Variants in ALDH1L1 observed in about 807,000 individuals in gnomAD.
The protein encoded by ALDH1L1 is aldehyde dehydrogenase 1 family member L1, also known as cytosolic 10-formyltetrahydrofolate dehydrogenase.
A neutral mutation model predicts 101.1 loss-of-function variants in ALDH1L1; 68 were observed. That is an observed-to-expected ratio of 0.67 (90% CI 0.55 to 0.82). The LOEUF (loss-of-function observed/expected upper bound fraction) is 0.82, where lower values mean the gene tolerates loss of function less well. ALDH1L1 is among the 40% of genes least tolerant of loss of function. The pLI, the probability that ALDH1L1 is intolerant of heterozygous loss-of-function variation, is 0.00. For missense variants in ALDH1L1, 1,087 were observed against 1,172.7 expected, an observed-to-expected ratio of 0.93 and a Z score of 1.07; for synonymous variants, 486 against 470.8, an observed-to-expected ratio of 1.03 and a Z score of -0.42.
At chr3:126,153,384 T>A in intron 7 of ALDH1L1, 60 bp downstream of exon 7, 1 of 1,606,086 alleles carries the variant, frequency 6.2e-7, no homozygotes, top group African/African-American at 1.3e-5. Flanking sequence ...GAGGCCTGAG[T>A]CCAAGGACAG....
intron 20 of ALDH1L1, 133 bp downstream of exon 20, chr3:126,109,811 C>T: frequency 7.6e-7 from 1 of 1,309,144 alleles, no homozygotes; most frequent in Non-Finnish European, 1.0e-6. Context: ...ATCCCAGGTC[C>T]CAGATGGGGC....
At chr3:126,135,056 ATTT>A (rs4646724) in intron 12 of ALDH1L1, 8,356 of 145,002 alleles carry the variant, frequency 0.058, 730 homozygotes, top group African/African-American at 0.2. Flanking sequence ...CCTGGCTTAA[ATTT>A]TTTTTTTTTT....
At chr3:126,149,256 TGCCA>T (rs2080760329) in intron 8 of ALDH1L1, among the ~76,000 whole-genome samples, 1 of 152,284 alleles carries the variant, frequency 6.6e-6, no homozygotes, top group South Asian at 2.1e-4. Context: ...TCCTCAAAGA[TGCCA>T]GCTACTGAAC....
intron 1 of ALDH1L1, 119 bp from the exon 2 acceptor site, chr3:126,161,121 C>T (rs1262432795): frequency 8.1e-7 from 1 of 1,227,028 alleles, no homozygotes; most frequent in Non-Finnish European, 1.1e-6. Flanking sequence ...CCCTCTGTGG[C>T]TCTGTGGGTG....
At chr3:126,173,739 A>G (rs544449740) in intron 1 of ALDH1L1, among the ~76,000 whole-genome samples, 1 of 152,352 alleles carries the variant, frequency 6.6e-6, no homozygotes, top group South Asian at 2.1e-4. Context: ...CAGATAGGTT[A>G]CAAATAAAGG....
intron 1 of ALDH1L1, among the ~76,000 whole-genome samples, chr3:126,196,398 T>TC (rs1395369570): frequency 7.4e-6 from 1 of 134,398 alleles, no homozygotes; most frequent in Non-Finnish European, 1.6e-5. Context: ...TTTTTTTTTT[T>TC]CCAAAATGGG....
At chr3:126,163,844 T>G (rs2081110086) in intron 1 of ALDH1L1, among the ~76,000 whole-genome samples, 1 of 152,286 alleles carries the variant, frequency 6.6e-6, no homozygotes, top group Non-Finnish European at 1.5e-5. Flanking sequence ...GTAAGAAATA[T>G]TGACATGAAC....
chr3:126,147,059 G>A (rs970534412), intron 8 of ALDH1L1, 133 bp from the exon 9 acceptor site: 1 of 793,014 alleles, frequency 1.3e-6, no homozygotes, highest in African/African-American at 1.8e-5. Flanking sequence ...CCTCCAAGTT[G>A]TTGCCTCATC....
At chr3:126,165,336 G>C (rs745710737) in intron 1 of ALDH1L1, among the ~76,000 whole-genome samples, 1 of 152,106 alleles carries the variant, frequency 6.6e-6, no homozygotes, top group Admixed American at 6.5e-5. Context: ...GTATTTTGTT[G>C]AGGATTTTTG....
In ALDH1L1 at chr3:126,135,624, G is replaced by A. The variant is rs781325324; in HGVS notation, c.1383C>T (p.Val461=). 33 of 1,583,148 alleles carry A rather than the reference G, an allele frequency of 2.1e-5. No homozygotes were observed. The highest frequency in any genetic ancestry group is 2.7e-5 in the Non-Finnish European group (31 of 1,164,858). Residue 461 remains valine, a synonymous_variant, in exon 12 of 23, where the codon GTC becomes GTT. Coordinates refer to ENST00000393434, the MANE Select transcript of ALDH1L1 (RefSeq NM_012190.4). ...CQVSLAQVTD[V]DKAVAAAKDA... ...CCTTGGCTGCGGCCACTGCCTTGTCGACGTCGGTGACTTGGGCCAGGGATA... is the reference window on the plus strand; with the variant it reads ...CCTTGGCTGCGGCCACTGCCTTGTCAACGTCGGTGACTTGGGCCAGGGATA...
intron 1 of ALDH1L1, chr3:126,180,077 G>C (rs770479553): frequency 6.6e-6 from 1 of 152,476 alleles, no homozygotes; most frequent in Non-Finnish European, 1.5e-5. Flanking sequence ...GTAGTCCCCA[G>C]TCACAAATCA....
At chr3:126,118,149 AG>A (rs1447661035) in intron 16 of ALDH1L1, 51 bp from the exon 17 acceptor site, 3 of 1,482,996 alleles carry the variant, frequency 2.0e-6, no homozygotes, top group Non-Finnish European at 2.8e-6. Context: ...GGTGCTGGGG[AG>A]GCAGGAGCCC....
chr3:126,105,596 C>A (rs745985178), intron 22 of ALDH1L1, 130 bp downstream of exon 22: 4 of 1,074,870 alleles, frequency 3.7e-6, no homozygotes, highest in Non-Finnish European at 5.7e-6. Context: ...CAGTAAGAAG[C>A]GAACCCTGAC....
chr3:126,133,004 T>C lies in ALDH1L1; in HGVS notation c.1473-1470A>G, dbSNP rs188933008. Among the ~76,000 whole-genome samples, 438 of 152,216 alleles carry C rather than the reference T, an allele frequency of 2.9e-3. 1 individual carries two copies. Among genetic ancestry groups the C allele is most frequent in the African/African-American group, 9.6e-3 (398 of 41,536 alleles). On this transcript the variant is annotated intron_variant, in intron 12 of 22. Transcript: ENST00000393434. ...AAAACCGATTTTGTACAGCAAATAG[T>C]GAAAACATCACCTAGCGGCCGATAG...
intron 7 of ALDH1L1, chr3:126,152,654 CCT>C: frequency 6.4e-6 from 1 of 155,742 alleles, no homozygotes; most frequent in Admixed American, 6.4e-5. Flanking sequence ...AAGATCCCTG[CCT>C]GCCCTCTCCC....
rs1335382717 is a variant in ALDH1L1 at position 126,131,528 on chromosome 3, T to C, written c.1479A>G (p.Ala493=). The C allele has an allele frequency of 3.7e-6, 6 of 1,606,008 alleles. No individual in the cohort carries two copies. Among genetic ancestry groups the C allele is most frequent in the Non-Finnish European group, 5.1e-6 (6 of 1,173,472 alleles). Residue 493 remains alanine (A), a synonymous_variant, in exon 13 of 23, where the codon GCA becomes GCG. Transcript: ENST00000393434. ...CCTCCTGGTGCTGCTCCATGAGATC[T>C]GCCAACCTGACCAGGGTGAGGGGAA... The part of the protein sequence containing the change: ...RDRGRLMYRL[A]DLMEQHQEEL...
intron 2 of ALDH1L1, chr3:126,159,593 G>A (rs2080998358): frequency 6.6e-6 from 3 of 453,886 alleles, no homozygotes; most frequent in Non-Finnish European, 1.3e-5. Context: ...AGGGTGGGAT[G>A]TGATGTCAGC....
At chr3:126,184,469 T>G (rs550354633), upstream of ALDH1L1, among the ~76,000 whole-genome samples, 1 of 152,352 alleles carries the variant, frequency 6.6e-6, no homozygotes, top group South Asian at 2.1e-4. Flanking sequence ...GTTTCATCTG[T>G]GTATCCCACA....
At chr3:126,126,758 T>C (rs2080195256) in intron 14 of ALDH1L1, among the ~76,000 whole-genome samples, 1 of 152,206 alleles carries the variant, frequency 6.6e-6, no homozygotes, top group Non-Finnish European at 1.5e-5. Context: ...CCAATTCGTA[T>C]GCTGAAGCCC....
Sources: gnomAD v4.1 joint callset for allele counts (sites outside exome capture counted in the v4.1 genomes callset) on GRCh38, gnomAD v4.1.1 for gene constraint, MANE v1.5 for transcripts, NCBI Gene and HGNC (gene_info 2026-07-23, HGNC 2026-07-21) for gene names.